Variants in SEMA4F observed in about 807,000 individuals in gnomAD.
SEMA4F encodes the protein ssemaphorin 4F.
SEMA4F carries 51 observed loss-of-function variants against 78.4 expected under a neutral mutation model. The ratio of observed to expected loss-of-function variants is 0.65; its 90% CI spans 0.52 to 0.82. The LOEUF is 0.82. Among genes scored for constraint, SEMA4F ranks in the 40% least tolerant of loss-of-function variants. SEMA4F has a pLI of 0.00. For missense variants in SEMA4F, 938 were observed against 1,014.4 expected (o/e 0.92, Z 1.02); for synonymous variants, 418 against 408.7 (o/e 1.02, Z -0.27).
chr2:74,705,346 C>T, the SEMA4F span, among the ~76,000 whole-genome samples: 3,068 of 152,186 alleles, frequency 0.02, 102 homozygotes, highest in African/African-American at 0.07. Context: ...CTTGTCATCA[C>T]AGTAATTGCC....
In SEMA4F at chr2:74,680,221, T is replaced by C. The variant is rs774996804; in HGVS notation, c.*12T>C. On this transcript the variant is annotated 3_prime_UTR_variant, in exon 14 of 14. Coordinates refer to ENST00000357877, the MANE Select transcript of SEMA4F (RefSeq NM_004263.5). ...AAACATCCATCTAGAGCTGGGCAAA[T>C]GACCACTAGTGTATAAGTGATCACT... 1.6e-5 allele frequency: 24 copies of C among 1,547,670 alleles called. No individual in the cohort carries two copies. Among genetic ancestry groups the C allele is most frequent in the Admixed American group, 1.9e-5 (1 of 53,546 alleles).
the SEMA4F span, among the ~76,000 whole-genome samples, chr2:74,706,312 G>A: frequency 6.6e-6 from 1 of 152,072 alleles, no homozygotes; most frequent in Non-Finnish European, 1.5e-5. Flanking sequence ...AGAACTTATC[G>A]ATATTCATAC....
At chr2:74,668,613 GT>G (rs758572242) in intron 5 of SEMA4F, among the ~76,000 whole-genome samples, 126 of 140,886 alleles carry the variant, frequency 8.9e-4, no homozygotes, top group Admixed American at 2.0e-3. Flanking sequence ...AATCAGTTGT[GT>G]TTTTTTTTTT....
chr2:74,679,751 ACC>A lies in SEMA4F; in HGVS notation c.1858_1859del (p.Pro620ArgfsTer9). On this transcript the variant is annotated frameshift_variant, in exon 14 of 14. Transcript: ENST00000357877. LOFTEE classifies it high-confidence loss of function. ...PRRDGLEVVVTPGAMGAYACE... is the reference protein window; with the variant it reads ...PRRDGLEVVVXPGAMGAYACE... ...GCGGGATGGACTGGAGGTGGTGGTG[ACC>A]CCAGGGGCCATGGGCGCTTATGCCT... The A allele has an allele frequency of 6.2e-7, 1 of 1,613,646 alleles. No individual in the cohort carries two copies. The highest frequency in any genetic ancestry group is 8.5e-7 in the Non-Finnish European group (1 of 1,179,928).
At chr2:74,678,477 G>A (rs1246048296) in intron 12 of SEMA4F, among the ~76,000 whole-genome samples, 5 of 152,194 alleles carry the variant, frequency 3.3e-5, no homozygotes, top group African/African-American at 1.2e-4. Context: ...AGTCTTGGGA[G>A]CTCATTTCAG....
rs3755449 is a variant in SEMA4F, at chr2:74,657,965, T to G, written c.456+14T>G. On this transcript the variant is annotated intron_variant, in intron 4 of 13. Coordinates refer to ENST00000357877, the MANE Select transcript of SEMA4F (RefSeq NM_004263.5). ...TGCGGGGTTATTGTGAGTGACGGTG[T>G]GGGAGGAGAGGGAGAGGGTGCCTGC... 3.0e-3 allele frequency: 4,879 copies of G among 1,610,444 alleles called. 185 individuals are homozygous for G. In the East Asian group the frequency reaches 0.088, roughly 29 times the overall value.
At chr2:74,698,746 A>C in the SEMA4F span, among the ~76,000 whole-genome samples, 92 of 152,304 alleles carry the variant, frequency 6.0e-4, no homozygotes, top group African/African-American at 2.1e-3. Flanking sequence ...TCCTTTGACT[A>C]TCAGTCCTTC....
intron 1 of SEMA4F, chr2:74,655,502 T>A (rs181637493): frequency 1.4e-4 from 24 of 174,352 alleles, no homozygotes; most frequent in Non-Finnish European, 3.0e-4. Flanking sequence ...TGGCAACAAC[T>A]CTGGACTGGT....
rs1371122830 is a variant in SEMA4F, at chr2:74,657,559, T to G, written c.298-6T>G. ...CTGGGTGAAATGATCACTTCTCCTTTCTCAGATTGACTGGATGGTTCCTGA... is the reference window on the plus strand; with the variant it reads ...CTGGGTGAAATGATCACTTCTCCTTGCTCAGATTGACTGGATGGTTCCTGA... On this transcript the variant is annotated splice_region_variant and splice_polypyrimidine_tract_variant and intron_variant, in intron 2 of 13. Transcript: ENST00000357877. 2.5e-6 allele frequency: 4 copies of G among 1,613,822 alleles called. No homozygotes were observed. Among genetic ancestry groups the G allele is most frequent in the Admixed American group, 3.3e-5 (2 of 60,006 alleles).
the SEMA4F span, among the ~76,000 whole-genome samples, chr2:74,695,832 C>T: frequency 2.0e-5 from 3 of 152,190 alleles, no homozygotes; most frequent in Non-Finnish European, 4.4e-5. Context: ...GTCAAACATA[C>T]TCATTAAACT....
rs116764200 is a variant in SEMA4F, at chr2:74,675,770, C to T, written c.1504C>T (p.Arg502Cys). 173 of 1,614,126 alleles carry T rather than the reference C, an allele frequency of 1.1e-4. No individual in the cohort carries two copies. The highest frequency in any genetic ancestry group is 9.6e-4 in the African/African-American group (72 of 75,048). Residue 502 changes from arginine to cysteine, a missense_variant, in exon 12 of 14, where the codon CGT becomes TGT. Transcript: ENST00000357877. ...LYHSWLLVGSRTEVTQVNTTN... is the reference protein window; with the variant it reads ...LYHSWLLVGSCTEVTQVNTTN... The stretch of plus-strand genomic sequence containing the variant: ...ATAGAGCTGGCTCCTGGTTGGCTCC[C>T]GTACTGAGGTGACACAAGTGAATAC...
downstream of SEMA4F, among the ~76,000 whole-genome samples, chr2:74,686,451 A>G (rs1685824435): frequency 1.3e-5 from 2 of 152,206 alleles, no homozygotes; most frequent in Non-Finnish European, 2.9e-5. Flanking sequence ...TAGTTCCACC[A>G]TTGTGGAGGA....
rs1382717429 is a variant in SEMA4F, at chr2:74,675,807, G to T, written c.1541G>T (p.Gly514Val). Residue 514 changes from glycine (G) to valine (V), a missense_variant, in exon 12 of 14, where the codon GGC becomes GTC. By Grantham distance (109) the Gly-to-Val change is moderately radical (BLOSUM62 -3). Transcript: ENST00000357877. The stretch of plus-strand genomic sequence containing the variant: ...ACACAAGTGAATACAACCAACTGTG[G>T]CCGTCTCCAGAGCTGCTCAGAGTGC... ...EVTQVNTTNC[G>V]RLQSCSECIL... 1 of 1,614,210 alleles carries T rather than the reference G, an allele frequency of 6.2e-7. No individual in the cohort carries two copies. Among genetic ancestry groups the T allele is most frequent in the East Asian group, 2.2e-5 (1 of 44,878 alleles).
chr2:74,672,760 G>C (rs1685051743), intron 5 of SEMA4F, among the ~76,000 whole-genome samples: 1 of 152,142 alleles, frequency 6.6e-6, no homozygotes, highest in African/African-American at 2.4e-5. Flanking sequence ...CTAGGAGGGA[G>C]GACCTGATTC....
At chr2:74,656,953 C>T (rs145969261) in intron 2 of SEMA4F, among the ~76,000 whole-genome samples, 1 of 151,980 alleles carries the variant, frequency 6.6e-6, no homozygotes, top group Admixed American at 6.5e-5. Context: ...TGACAATGGG[C>T]AGAGGGATCA....
At chr2:74,673,321 C>A in intron 5 of SEMA4F, 136 bp from the exon 6 acceptor site, 1 of 1,044,600 alleles carries the variant, frequency 9.6e-7, no homozygotes, top group Non-Finnish European at 1.4e-6. Context: ...CTGTGATGTG[C>A]TCAGCAGAGT....
chr2:74,688,139 G>A (rs886171153), downstream of SEMA4F, among the ~76,000 whole-genome samples: 1 of 152,166 alleles, frequency 6.6e-6, no homozygotes. Context: ...CATACAGTTA[G>A]TTTGTAGCTG....
chr2:74,675,417 A>C (rs1685219844), intron 10 of SEMA4F, 33 bp downstream of exon 10: 2 of 1,603,318 alleles, frequency 1.2e-6, no homozygotes, highest in Non-Finnish European at 1.7e-6. Flanking sequence ...CTGCCTACCT[A>C]GTGCATACAC....
Position 74,665,375 on chromosome 2 carries a change from G to A in SEMA4F, c.550+2550G>A, listed in dbSNP as rs369902994. Among the ~76,000 whole-genome samples, 70 of 151,692 alleles carry A rather than the reference G, an allele frequency of 4.6e-4. No individual in the cohort carries two copies. The East Asian group carries it at 9.7e-3, about 21-fold the overall frequency. ...CTCCCGAGTAGCTGGGACTACAGGC[G>A]CGTGTCACCATGCCCGGCTAATTTT... On this transcript the variant is annotated intron_variant, in intron 5 of 13. Transcript: ENST00000357877.
Sources: gnomAD v4.1 joint callset for allele counts (sites outside exome capture counted in the v4.1 genomes callset) on GRCh38, gnomAD v4.1.1 for gene constraint, MANE v1.5 for transcripts, NCBI Gene and HGNC (gene_info 2026-07-23, HGNC 2026-07-21) for gene names.